The following CDK8 variants were observed in gnomAD, a reference collection of about 807,000 sequenced individuals.
The protein encoded by CDK8 is cyclin dependent kinase 8.
A neutral mutation model predicts 71.5 loss-of-function variants in CDK8; 29 were observed. That is an observed-to-expected ratio of 0.41 (90% CI 0.30 to 0.55). CDK8 has a LOEUF of 0.55. Among genes scored for constraint, CDK8 ranks in the 20% least tolerant of loss-of-function variants. The pLI is 0.37. For synonymous variants in CDK8, 161 were observed against 192.1 expected, an observed-to-expected ratio of 0.84 and a Z score of 1.34; for missense variants, 288 against 572.6, an observed-to-expected ratio of 0.50 and a Z score of 5.07.
intron 1 of CDK8, among the ~76,000 whole-genome samples, chr13:26,313,463 G>A (rs943873829): frequency 1.6e-4 from 24 of 152,188 alleles, no homozygotes; most frequent in African/African-American, 5.8e-4. Flanking sequence ...AAATAGAGAA[G>A]TAGGGAAGAC....
chr13:26,358,989 T>A, intron 4 of CDK8: 1 of 280,288 alleles, frequency 3.6e-6, no homozygotes, highest in Non-Finnish European at 7.2e-6. Context: ...ATTGTGCCAC[T>A]GCACTTCAGC....
chr13:26,308,374 C>T (rs1181461776), intron 1 of CDK8, among the ~76,000 whole-genome samples: 1 of 152,168 alleles, frequency 6.6e-6, no homozygotes, highest in Non-Finnish European at 1.5e-5. Flanking sequence ...GCATCTTTGA[C>T]CCTTTCTCTA....
chr13:26,296,965 G>A (rs1348885637), intron 1 of CDK8, among the ~76,000 whole-genome samples: 1 of 152,116 alleles, frequency 6.6e-6, no homozygotes, highest in Non-Finnish European at 1.5e-5. Flanking sequence ...TAGTATTAAA[G>A]GACTAACCAA....
intron 1 of CDK8, among the ~76,000 whole-genome samples, chr13:26,282,492 G>T (rs935713053): frequency 1.3e-5 from 2 of 152,102 alleles, no homozygotes; most frequent in South Asian, 2.1e-4. Flanking sequence ...GAAAGATAAA[G>T]TCTTTCTCAG....
chr13:26,376,715 T>A (rs1467429906), intron 4 of CDK8, among the ~76,000 whole-genome samples: 11 of 152,208 alleles, frequency 7.2e-5, no homozygotes, highest in Non-Finnish European at 1.2e-4. Flanking sequence ...CTTAAACTAG[T>A]GTGCTATGCC....
intron 2 of CDK8, among the ~76,000 whole-genome samples, chr13:26,343,857 C>T (rs1377550232): frequency 1.3e-5 from 2 of 151,890 alleles, no homozygotes; most frequent in Non-Finnish European, 2.9e-5. Context: ...AATTTGTATT[C>T]TTATTCTATA....
Position 26,254,267 on chromosome 13 carries a change from CCCCGCCGCT to C in CDK8, c.-366_-358del, listed in dbSNP as rs1285234646. 10 of 278,084 alleles carry C rather than the reference CCCCGCCGCT, an allele frequency of 3.6e-5. No individual in the cohort carries two copies. Among genetic ancestry groups the C allele is most frequent in the African/African-American group, 1.8e-4 (8 of 45,596 alleles). 17.2% of individuals were successfully genotyped at this position (278,084 alleles called of 1,614,324 possible). On this transcript the variant is annotated 5_prime_UTR_variant, in exon 1 of 13. Coordinates refer to ENST00000381527, the MANE Select transcript of CDK8 (RefSeq NM_001260.3). The surrounding 1 kb of genome is among the most constrained non-coding windows in gnomAD (Gnocchi z 6.7). ...GAGAGGACGAGAGCCCGCCTGGCCG[CCCCGCCGCT>C]CCCGCCGCAGCAGGAGCAGAACGCG...
intron 1 of CDK8, among the ~76,000 whole-genome samples, chr13:26,310,143 TTCATCC>T: frequency 6.6e-6 from 1 of 152,240 alleles, no homozygotes; most frequent in East Asian, 1.9e-4. Context: ...TCCAGCTTTC[TTCATCC>T]TGCAAAACTG....
At chr13:26,299,334 T>C (rs1873712710) in intron 1 of CDK8, among the ~76,000 whole-genome samples, 2 of 152,286 alleles carry the variant, frequency 1.3e-5, no homozygotes, top group African/African-American at 4.8e-5. Flanking sequence ...TGTTAGGTGA[T>C]TTTGTCATTG....
intron 4 of CDK8, among the ~76,000 whole-genome samples, chr13:26,356,489 C>A (rs1873903265): frequency 6.6e-6 from 1 of 152,144 alleles, no homozygotes; most frequent in South Asian, 2.1e-4. Context: ...ACGCAGAAGT[C>A]CACTGAACCA....
At chr13:26,279,414 T>C (rs569354930) in intron 1 of CDK8, among the ~76,000 whole-genome samples, 113 of 152,058 alleles carry the variant, frequency 7.4e-4, no homozygotes, top group Non-Finnish European at 1.4e-3. Context: ...CTTAGCATCA[T>C]GAACGGTGGG....
chr13:26,383,577 G>A (rs1385711974), intron 5 of CDK8, among the ~76,000 whole-genome samples: 1 of 152,104 alleles, frequency 6.6e-6, no homozygotes, highest in African/African-American at 2.4e-5. Flanking sequence ...ATTTGTAGAA[G>A]AAATGTTTAA....
Position 26,401,564 on chromosome 13 carries a change from A to G in CDK8, c.1209A>G (p.Lys403=), listed in dbSNP as rs758124619. The G allele has an allele frequency of 3.1e-6, 5 of 1,614,196 alleles. No individual in the cohort carries two copies. The South Asian group carries it at 4.4e-5, about 14-fold the overall frequency. Residue 403 remains lysine, a synonymous_variant, in exon 12 of 13, where the codon AAA becomes AAG. Coordinates refer to ENST00000381527, the MANE Select transcript of CDK8 (RefSeq NM_001260.3). This position sits in a 1 kb window ranked among gnomAD's most constrained non-coding sequence, Gnocchi z 4.5. ...ACACACAGGGACCCCCGTTGAAGAAAGTGAGAGTTGTTCCTCCTACCACTA... is the reference window on the plus strand; with the variant it reads ...ACACACAGGGACCCCCGTTGAAGAAGGTGAGAGTTGTTCCTCCTACCACTA... ...SSHTQGPPLK[K]VRVVPPTTTS...
At chr13:26,372,080 A>G (rs1874718809) in intron 4 of CDK8, among the ~76,000 whole-genome samples, 2 of 152,224 alleles carry the variant, frequency 1.3e-5, no homozygotes, top group African/African-American at 4.8e-5. Flanking sequence ...GTGTGTGTCT[A>G]GGAAAGTTCA....
At chr13:26,335,716 A>G (rs1872949704) in intron 1 of CDK8, among the ~76,000 whole-genome samples, 1 of 152,086 alleles carries the variant, frequency 6.6e-6, no homozygotes, top group Admixed American at 6.6e-5. Flanking sequence ...GTAGTCAATC[A>G]TGAAGGACCC....
At chr13:26,277,744 C>G (rs1872607830) in intron 1 of CDK8, among the ~76,000 whole-genome samples, 1 of 152,072 alleles carries the variant, frequency 6.6e-6, no homozygotes, top group African/African-American at 2.4e-5. Context: ...GATAGAAGCA[C>G]TTTATTTTGA....
intron 5 of CDK8, among the ~76,000 whole-genome samples, chr13:26,384,531 A>G (rs900308727): frequency 6.6e-6 from 1 of 152,220 alleles, no homozygotes; most frequent in Non-Finnish European, 1.5e-5. Context: ...ACTACACTAC[A>G]TGTTAAACTG....
intron 4 of CDK8, among the ~76,000 whole-genome samples, chr13:26,369,986 G>T (rs1440243245): frequency 1.3e-5 from 2 of 152,014 alleles, no homozygotes; most frequent in African/African-American, 4.8e-5. Context: ...CCCTAGAAAA[G>T]GTCAATAAGT....
intron 4 of CDK8, among the ~76,000 whole-genome samples, chr13:26,372,335 A>T (rs2138029852): frequency 6.6e-6 from 1 of 152,348 alleles, no homozygotes; most frequent in South Asian, 2.1e-4. Context: ...ATAGGCAGAA[A>T]CATATTGCTT....
Sources: allele counts gnomAD v4.1 joint callset (sites outside exome capture counted in the v4.1 genomes callset), GRCh38; gene constraint gnomAD v4.1.1; non-coding constraint Gnocchi (gnomAD v3.1); transcripts MANE v1.5; gene names NCBI Gene and HGNC (gene_info 2026-07-23, HGNC 2026-07-21).